SYN3: variants seen among roughly 807,000 people sequenced by gnomAD.
The protein encoded by SYN3 is synapsin III.
SYN3 carries 35 observed loss-of-function variants against 65.8 expected under a neutral mutation model. The observed-to-expected ratio is 0.53, with a 90% CI of 0.41 to 0.70. The LOEUF (loss-of-function observed/expected upper bound fraction) is 0.70, where lower values mean the gene tolerates loss of function less well. SYN3 is among the 30% of genes least tolerant of loss of function. SYN3 has a pLI of 0.00. For synonymous variants in SYN3, 270 were observed against 292.9 expected, an observed-to-expected ratio of 0.92 and a Z score of 0.80; for missense variants, 680 against 749.0, an observed-to-expected ratio of 0.91 and a Z score of 1.08.
At chr22:32,767,165 C>T (rs1246963972) in intron 6 of SYN3, among the ~76,000 whole-genome samples, 5 of 152,214 alleles carry the variant, frequency 3.3e-5, no homozygotes. Flanking sequence ...CACCTGCCTA[C>T]TCACAACTCC....
At chr22:32,709,846 G>A (rs2060931833) in intron 6 of SYN3, among the ~76,000 whole-genome samples, 1 of 151,806 alleles carries the variant, frequency 6.6e-6, no homozygotes, top group African/African-American at 2.4e-5. Flanking sequence ...AGAAAGCCAA[G>A]TTATTATTCT....
intron 6 of SYN3, among the ~76,000 whole-genome samples, chr22:32,852,056 GAGC>G (rs2146258682): frequency 6.6e-6 from 1 of 152,306 alleles, no homozygotes; most frequent in Admixed American, 6.5e-5. Flanking sequence ...AACATTTACT[GAGC>G]AATTGCTTAG....
Position 32,600,019 on chromosome 22 carries a change from C to T in SYN3, c.712-3283G>A, listed in dbSNP as rs548759057. ...AGTTTTGTGGAAGAGAATTTTTACA[C>T]GAACTAGAGGGGGATGAGGGGATGG... On this transcript the variant is annotated intron_variant, in intron 6 of 13. Transcript: ENST00000358763. Among the ~76,000 whole-genome samples the T allele has an allele frequency of 4.1e-4, 63 of 152,134 alleles. 1 individual carries two copies. The South Asian group carries it at 0.012, about 29-fold the overall frequency.
In SYN3 at chr22:32,518,265, G is replaced by T. The variant is rs764064961; in HGVS notation, c.1388C>A (p.Pro463Gln). 4 of 1,612,720 alleles carry T rather than the reference G, an allele frequency of 2.5e-6. No homozygotes were observed. Among genetic ancestry groups the T allele is most frequent in the South Asian group, 1.1e-5 (1 of 90,910 alleles). The change falls in exon 13 of 14, where the codon CCA becomes CAA. Residue 463 changes from proline to glutamine, a missense_variant. Pro to Gln is a moderately conservative substitution (Grantham distance 76). Transcript: ENST00000358763. ...GGGGCTCAGGGGCTGCTGGCCTTGT[G>T]GGGAGAGCCTCTGTTGGGAGGGGCT... Reference protein sequence around the residue: ...SGSPSQQRLSPQGQQPLSPQS... With the variant: ...SGSPSQQRLSQQGQQPLSPQS...
At chr22:32,881,288 G>C (rs1248554073) in intron 4 of SYN3, among the ~76,000 whole-genome samples, 1 of 152,122 alleles carries the variant, frequency 6.6e-6, no homozygotes, top group Non-Finnish European at 1.5e-5. Flanking sequence ...ACTGCCGAGG[G>C]GTGATGGGAG....
chr22:32,787,693 A>T (rs2046228640), intron 6 of SYN3, among the ~76,000 whole-genome samples: 1 of 152,236 alleles, frequency 6.6e-6, no homozygotes, highest in Non-Finnish European at 1.5e-5. Context: ...ATTAATAAAC[A>T]TTTTAATAAG....
chr22:32,808,165 T>C (rs910546748), intron 6 of SYN3, among the ~76,000 whole-genome samples: 3 of 152,210 alleles, frequency 2.0e-5, no homozygotes, highest in African/African-American at 4.8e-5. Flanking sequence ...GAATAAGCAG[T>C]GGACCATTTA....
chr22:32,679,352 A>G lies in SYN3; in HGVS notation c.712-82616T>C, dbSNP rs199823326. ...AGGCATGAGCACCGCGCCTGGCAATACCACATTTTCTTTATCCATTCATCT... is the reference window on the plus strand; with the variant it reads ...AGGCATGAGCACCGCGCCTGGCAATGCCACATTTTCTTTATCCATTCATCT... On this transcript the variant is annotated intron_variant, in intron 6 of 13. Coordinates refer to ENST00000358763, the MANE Select transcript of SYN3 (RefSeq NM_003490.4). 1.5e-3 allele frequency among the ~76,000 whole-genome samples: 226 copies of G among 151,882 alleles called. 5 individuals are homozygous for G. The East Asian group carries it at 0.034, about 23-fold the overall frequency.
chr22:33,042,013 C>T (rs577982258), intron 1 of SYN3, among the ~76,000 whole-genome samples: 21 of 152,254 alleles, frequency 1.4e-4, no homozygotes, highest in East Asian at 1.2e-3. Flanking sequence ...CAATCCCTAA[C>T]GTGATGGTAT....
At chr22:32,867,771 C>T (rs962209627) in intron 5 of SYN3, among the ~76,000 whole-genome samples, 6 of 152,106 alleles carry the variant, frequency 3.9e-5, no homozygotes, top group South Asian at 2.1e-4. Flanking sequence ...TTAGTAGAGA[C>T]GGGGTTTCAC....
At chr22:32,798,350 C>T (rs138482406) in intron 6 of SYN3, among the ~76,000 whole-genome samples, 46 of 152,168 alleles carry the variant, frequency 3.0e-4, no homozygotes, top group African/African-American at 1.1e-3. Flanking sequence ...TGGGCCACAC[C>T]TTACAGCTTG....
chr22:32,762,783 A>G (rs1241888006), intron 6 of SYN3, among the ~76,000 whole-genome samples: 5 of 152,230 alleles, frequency 3.3e-5, no homozygotes, highest in Admixed American at 3.3e-4. Flanking sequence ...ATCTGGGGCA[A>G]GTCAACTCCT....
chr22:32,767,050 C>A (rs903615974), intron 6 of SYN3, among the ~76,000 whole-genome samples: 20 of 152,168 alleles, frequency 1.3e-4, no homozygotes, highest in Non-Finnish European at 2.4e-4. Flanking sequence ...CAGTTATAGG[C>A]CTGTGCCTTC....
chr22:32,786,791 G>A (rs2046204501), intron 6 of SYN3, among the ~76,000 whole-genome samples: 1 of 152,178 alleles, frequency 6.6e-6, no homozygotes, highest in Admixed American at 6.5e-5. Context: ...AGTGAATTAT[G>A]TCAAAATAAA....
chr22:32,803,094 ATCTC>A (rs1002720577), intron 6 of SYN3, among the ~76,000 whole-genome samples: 6 of 152,110 alleles, frequency 3.9e-5, no homozygotes, highest in Admixed American at 1.3e-4. Flanking sequence ...TCTGGGAAAC[ATCTC>A]TCTCCTCCTT....
intron 3 of SYN3, among the ~76,000 whole-genome samples, chr22:32,954,842 G>GTT (rs113333839): frequency 2.8e-5 from 4 of 140,820 alleles, no homozygotes; most frequent in East Asian, 2.1e-4. Flanking sequence ...TTCTGTAAAT[G>GTT]TTTTTTTTTT....
At chr22:32,755,835 T>C (rs1182415083) in intron 6 of SYN3, among the ~76,000 whole-genome samples, 1 of 152,078 alleles carries the variant, frequency 6.6e-6, no homozygotes, top group Non-Finnish European at 1.5e-5. Context: ...ACGTACACAA[T>C]TTTTTTTAAA....
chr22:32,688,181 A>G (rs2060617051), intron 6 of SYN3, among the ~76,000 whole-genome samples: 1 of 152,034 alleles, frequency 6.6e-6, no homozygotes, highest in Non-Finnish European at 1.5e-5. Context: ...GGTACCTTCA[A>G]CCCCACTTCC....
intron 1 of SYN3, among the ~76,000 whole-genome samples, chr22:33,014,194 C>T (rs1408461411): frequency 1.3e-5 from 2 of 152,078 alleles, no homozygotes; most frequent in Non-Finnish European, 2.9e-5. Flanking sequence ...CGATTACATG[C>T]ATAAGCCAAT....
Sources: allele counts gnomAD v4.1 joint callset (sites outside exome capture counted in the v4.1 genomes callset), GRCh38; gene constraint gnomAD v4.1.1; transcripts MANE v1.5; gene names NCBI Gene and HGNC (gene_info 2026-07-23, HGNC 2026-07-21).